The following ZNF76 variants were observed in gnomAD, a reference collection of about 807,000 sequenced individuals.
ZNF76 encodes zinc finger protein 76, also known as zinc finger protein 523.
Under a neutral mutation model 66.9 loss-of-function variants are expected in ZNF76, and 66 were observed. That is an observed-to-expected ratio of 0.99 (90% CI 0.81 to 1.21). The LOEUF is 1.21. Among genes scored for constraint, ZNF76 ranks in the 50% most tolerant of loss-of-function variants. The pLI is 0.00. For missense variants in ZNF76, 729 were observed against 760.3 expected (o/e 0.96, Z 0.48); for synonymous variants, 275 against 296.1 (o/e 0.93, Z 0.73).
intron 1 of ZNF76, among the ~76,000 whole-genome samples, chr6:35,272,511 G>A (rs964873783): frequency 2.0e-4 from 25 of 123,934 alleles, no homozygotes; most frequent in African/African-American, 5.5e-4. Flanking sequence ...GTGTGTGTGT[G>A]TATGTATATG....
intron 7 of ZNF76, 57 bp downstream of exon 7, chr6:35,290,773 G>A: frequency 6.4e-7 from 1 of 1,556,024 alleles, no homozygotes; most frequent in Non-Finnish European, 8.9e-7. Context: ...GTTCTGTTTG[G>A]GACCTCTCTG....
intron 1 of ZNF76, among the ~76,000 whole-genome samples, chr6:35,277,617 G>A (rs1337559581): frequency 1.3e-5 from 2 of 152,184 alleles, no homozygotes; most frequent in Non-Finnish European, 2.9e-5. Context: ...TTTAAATGAG[G>A]ATAATCATAG....
At chr6:35,272,456 C>A (rs1787218625) in intron 1 of ZNF76, among the ~76,000 whole-genome samples, 1 of 149,804 alleles carries the variant, frequency 6.7e-6, no homozygotes, top group African/African-American at 2.5e-5. Context: ...GGTGACAGAG[C>A]AAGACCCTGT....
In ZNF76 at chr6:35,273,659, TA is replaced by T. The variant is rs1419184630; in HGVS notation, c.-96-7395del. 1.1e-4 allele frequency among the ~76,000 whole-genome samples: 16 copies of T among 147,510 alleles called. 1 individual carries two copies. The highest frequency in any genetic ancestry group is 2.1e-4 in the Non-Finnish European group (14 of 67,266). On this transcript the variant is annotated intron_variant, in intron 1 of 13. Coordinates refer to ENST00000373953, the MANE Select transcript of ZNF76 (RefSeq NM_003427.5). ...AGATGGGCATGGTGGTGCATGCCTG[TA>T]ATCCCAGCTACTCAGGAGGCTGAGG...
intron 1 of ZNF76, among the ~76,000 whole-genome samples, chr6:35,265,400 G>A (rs1175060843): frequency 2.0e-5 from 3 of 151,800 alleles, no homozygotes; most frequent in South Asian, 2.1e-4. Flanking sequence ...CCAGCTACTC[G>A]GGAGGCTGAG....
At chr6:35,278,216 T>G (rs1788210920) in intron 1 of ZNF76, among the ~76,000 whole-genome samples, 1 of 152,144 alleles carries the variant, frequency 6.6e-6, no homozygotes, top group African/African-American at 2.4e-5. Context: ...TTGCCCAGGC[T>G]GGAGTGCAAT....
Position 35,293,045 on chromosome 6 carries a change from G to T in ZNF76, c.1329+1G>T, listed in dbSNP as rs376193902. On this transcript the variant is annotated splice_donor_variant, in intron 11 of 13. Transcript: ENST00000373953. LOFTEE classifies it high-confidence loss of function. The stretch of plus-strand genomic sequence containing the variant: ...GATCACTCAGGATGGTGCCCAGCAG[G>T]TACAGGCCCTGGAGGGCAGAGGTGC... 1.2e-6 allele frequency: 2 copies of T among 1,613,724 alleles called. No individual in the cohort carries two copies. The highest frequency in any genetic ancestry group is 2.7e-5 in the African/African-American group (2 of 74,938).
chr6:35,271,199 A>G (rs1787003835), intron 1 of ZNF76, among the ~76,000 whole-genome samples: 2 of 152,170 alleles, frequency 1.3e-5, no homozygotes, highest in African/African-American at 4.8e-5. Flanking sequence ...ACGCATGTCC[A>G]TCTACCTGTA....
rs758696322 is a variant in ZNF76 at position 35,287,710 on chromosome 6, C to T, written c.297C>T (p.His99=). ...QLEDGSTAYI[H]HPVAVPSEST... The stretch of plus-strand genomic sequence containing the variant: ...AAGATGGCTCCACTGCCTACATTCA[C>T]CACCCTGTGGCTGTGCCATCGGAGA... Residue 99 remains histidine (H), a synonymous_variant, in exon 5 of 14, where the codon CAC becomes CAT. Coordinates refer to ENST00000373953, the MANE Select transcript of ZNF76 (RefSeq NM_003427.5). The surrounding 1 kb of genome is among the most constrained non-coding windows in gnomAD (Gnocchi z 4.0). 6.2e-7 allele frequency: 1 copy of T among 1,614,232 alleles called. No homozygotes were observed. Among genetic ancestry groups the T allele is most frequent in the South Asian group, 1.1e-5 (1 of 91,092 alleles).
At chr6:35,280,256 G>A (rs1019182013) in intron 1 of ZNF76, among the ~76,000 whole-genome samples, 1 of 152,154 alleles carries the variant, frequency 6.6e-6, no homozygotes, top group Non-Finnish European at 1.5e-5. Flanking sequence ...TGAGTTGGAA[G>A]AGGCTGAGGC....
intron 1 of ZNF76, among the ~76,000 whole-genome samples, chr6:35,273,265 C>G (rs1384414573): frequency 6.6e-6 from 1 of 151,408 alleles, no homozygotes; most frequent in Non-Finnish European, 1.5e-5. Flanking sequence ...CTCCACCTCC[C>G]AGGTTCAAGC....
chr6:35,265,799 C>T (rs1785962131), intron 1 of ZNF76, among the ~76,000 whole-genome samples: 3 of 149,708 alleles, frequency 2.0e-5, no homozygotes, highest in South Asian at 4.2e-4. Context: ...GCAGATGTTG[C>T]GGTGGGGGTG....
chr6:35,264,563 G>A (rs1168380041), intron 1 of ZNF76, among the ~76,000 whole-genome samples: 4 of 152,138 alleles, frequency 2.6e-5, no homozygotes, highest in Non-Finnish European at 4.4e-5. Flanking sequence ...TTCCATTTTT[G>A]TGTATGTTGG....
intron 1 of ZNF76, among the ~76,000 whole-genome samples, chr6:35,273,658 G>A (rs565405764): frequency 1.1e-4 from 16 of 149,438 alleles, no homozygotes; most frequent in Admixed American, 4.7e-4. Context: ...GTGCATGCCT[G>A]TAATCCCAGC....
At chr6:35,289,051 C>G (rs1316408119) in intron 5 of ZNF76, among the ~76,000 whole-genome samples, 1 of 151,730 alleles carries the variant, frequency 6.6e-6, no homozygotes, top group African/African-American at 2.4e-5. Flanking sequence ...ATTTGAGACT[C>G]GATGTTGATG....
At chr6:35,276,527 G>A (rs557865140) in intron 1 of ZNF76, among the ~76,000 whole-genome samples, 2 of 152,300 alleles carry the variant, frequency 1.3e-5, no homozygotes, top group Admixed American at 6.5e-5. Context: ...AGTGACATCT[G>A]AGGCTCAGAG....
chr6:35,272,381 ATTACT>A (rs1350987606), intron 1 of ZNF76, among the ~76,000 whole-genome samples: 7 of 152,150 alleles, frequency 4.6e-5, no homozygotes, highest in Non-Finnish European at 4.4e-5. Context: ...AGGCAAGAAG[ATTACT>A]TTAGTCTAGG....
intron 12 of ZNF76, chr6:35,294,198 G>A (rs907158381): frequency 1.7e-6 from 1 of 581,890 alleles, no homozygotes; most frequent in Non-Finnish European, 3.0e-6. Context: ...TTCAAGTGAG[G>A]GGATTAAAAT....
chr6:35,281,248 G>T (rs755747457), intron 2 of ZNF76, 24 bp downstream of exon 2: 1 of 1,609,348 alleles, frequency 6.2e-7, no homozygotes, highest in South Asian at 1.1e-5. Flanking sequence ...GGGACCTCAG[G>T]ATCCTGCCCT....
Sources: gnomAD v4.1 joint callset for allele counts (sites outside exome capture counted in the v4.1 genomes callset) on GRCh38, gnomAD v4.1.1 for gene constraint, Gnocchi (gnomAD v3.1) non-coding constraint, MANE v1.5 for transcripts, NCBI Gene and HGNC (gene_info 2026-07-23, HGNC 2026-07-21) for gene names.